The following PDE3A variants were observed in gnomAD, a reference collection of about 807,000 sequenced individuals.
PDE3A encodes the protein phosphodiesterase 3A.
Under a neutral mutation model 98.3 loss-of-function variants are expected in PDE3A, and 43 were observed. The observed-to-expected ratio is 0.44, with a 90% CI of 0.34 to 0.56. PDE3A has a LOEUF of 0.56. Ranked by LOEUF, PDE3A falls within the 20% of genes least tolerant of loss-of-function variation. The pLI is 0.01. For synonymous variants in PDE3A, 663 were observed against 567.9 expected, an observed-to-expected ratio of 1.17 and a Z score of -2.38; for missense variants, 1,427 against 1,440.7, an observed-to-expected ratio of 0.99 and a Z score of 0.15.
intron 7 of PDE3A, among the ~76,000 whole-genome samples, chr12:20,634,694 G>T (rs764876548): frequency 6.6e-6 from 1 of 152,074 alleles, no homozygotes; most frequent in South Asian, 2.1e-4. Context: ...AATGTCATGC[G>T]GATTACAGAT....
chr12:20,464,741 G>A (rs1002943555), intron 1 of PDE3A, among the ~76,000 whole-genome samples: 3 of 152,110 alleles, frequency 2.0e-5, no homozygotes, highest in Non-Finnish European at 4.4e-5. Flanking sequence ...AATTGCTGAC[G>A]TGGGATTGAA....
At chr12:20,537,240 G>T (rs1386753970) in intron 1 of PDE3A, among the ~76,000 whole-genome samples, 3 of 151,890 alleles carry the variant, frequency 2.0e-5, no homozygotes, top group African/African-American at 7.2e-5. Flanking sequence ...CCATTTTTCA[G>T]TTAGATTATT....
At chr12:20,666,203 G>C (rs1400846217) in intron 15 of PDE3A, among the ~76,000 whole-genome samples, 1 of 151,860 alleles carries the variant, frequency 6.6e-6, no homozygotes, top group Admixed American at 6.6e-5. Flanking sequence ...GACCTCAAGT[G>C]GTCCATCCGC....
At chr12:20,386,082 AATATATAAAT>A (rs1189611721) in intron 1 of PDE3A, among the ~76,000 whole-genome samples, 9 of 27,388 alleles carry the variant, frequency 3.3e-4, no homozygotes, top group African/African-American at 9.3e-4. Context: ...AATATATATA[AATATATAAAT>A]ATATATAAAT....
At chr12:20,576,110 C>T (rs1351614709) in intron 2 of PDE3A, among the ~76,000 whole-genome samples, 2 of 151,768 alleles carry the variant, frequency 1.3e-5, no homozygotes, top group Admixed American at 6.6e-5. Context: ...ATGAGGTATC[C>T]ATCCCCTCAA....
intron 1 of PDE3A, among the ~76,000 whole-genome samples, chr12:20,433,634 T>C (rs928799977): frequency 6.6e-6 from 1 of 152,142 alleles, no homozygotes; most frequent in African/African-American, 2.4e-5. Flanking sequence ...ACTGTACATA[T>C]TTTACTATCA....
At chr12:20,512,105 TA>T (rs1946236770) in intron 1 of PDE3A, among the ~76,000 whole-genome samples, 1 of 151,922 alleles carries the variant, frequency 6.6e-6, no homozygotes, top group Non-Finnish European at 1.5e-5. Context: ...ACATCCTAGA[TA>T]GGACCCTGGA....
At position 20,391,132 on chromosome 12, in the gene PDE3A, C is replaced by G. The variant is rs1943906591; in HGVS notation, c.960+20888C>G. 6.6e-5 allele frequency among the ~76,000 whole-genome samples: 10 copies of G among 151,758 alleles called. No individual in the cohort carries two copies. In the South Asian group the frequency reaches 2.1e-3, roughly 31 times the overall value. On this transcript the variant is annotated intron_variant, in intron 1 of 15. Coordinates refer to ENST00000359062, the MANE Select transcript of PDE3A (RefSeq NM_000921.5). ...GAGCAGATGAGTGCTTTTCATATGA[C>G]TAGTTAAAAACTTACTTTATCAGTA... is the stretch of plus-strand genomic sequence containing the variant.
intron 1 of PDE3A, among the ~76,000 whole-genome samples, chr12:20,472,138 A>G (rs1443199911): frequency 1.3e-5 from 2 of 152,180 alleles, no homozygotes; most frequent in African/African-American, 4.8e-5. Context: ...TATCTGATAC[A>G]GTGGATCAGA....
chr12:20,574,627 C>T (rs1267788346), intron 2 of PDE3A, among the ~76,000 whole-genome samples: 2 of 151,638 alleles, frequency 1.3e-5, no homozygotes, highest in Admixed American at 1.3e-4. Flanking sequence ...CATCTTGCTC[C>T]CACCACCACC....
chr12:20,575,398 C>A (rs1942905557), intron 2 of PDE3A, among the ~76,000 whole-genome samples: 1 of 151,752 alleles, frequency 6.6e-6, no homozygotes, highest in East Asian at 1.9e-4. Flanking sequence ...AAAGTTCTGA[C>A]TAAAATTAGG....
At chr12:20,403,169 A>C (rs1434734266) in intron 1 of PDE3A, among the ~76,000 whole-genome samples, 1 of 152,202 alleles carries the variant, frequency 6.6e-6, no homozygotes, top group East Asian at 1.9e-4. Flanking sequence ...ATCTTTATCA[A>C]CTTGAATTAT....
At chr12:20,554,547 A>AT (rs940959164) in intron 1 of PDE3A, among the ~76,000 whole-genome samples, 9 of 150,780 alleles carry the variant, frequency 6.0e-5, no homozygotes, top group African/African-American at 1.7e-4. Flanking sequence ...GGCTTTAATT[A>AT]TTTTTTACCC....
intron 1 of PDE3A, among the ~76,000 whole-genome samples, chr12:20,372,770 C>T (rs533130465): frequency 6.6e-6 from 1 of 152,218 alleles, no homozygotes; most frequent in South Asian, 2.1e-4. Flanking sequence ...CAAGACAATA[C>T]TCATAGGCAA....
chr12:20,380,553 C>T (rs369227586), intron 1 of PDE3A, among the ~76,000 whole-genome samples: 1 of 151,720 alleles, frequency 6.6e-6, no homozygotes, highest in African/African-American at 2.4e-5. Flanking sequence ...TTGTTATATC[C>T]TCTCACTGAA....
intron 1 of PDE3A, among the ~76,000 whole-genome samples, chr12:20,510,206 A>G (rs1232000142): frequency 6.6e-6 from 1 of 152,054 alleles, no homozygotes; most frequent in Non-Finnish European, 1.5e-5. Context: ...TTTGGAATTC[A>G]GTTATACAAA....
intron 2 of PDE3A, among the ~76,000 whole-genome samples, chr12:20,575,651 A>T (rs1355249230): frequency 6.6e-6 from 1 of 152,000 alleles, no homozygotes; most frequent in Non-Finnish European, 1.5e-5. Context: ...TCATCTACAG[A>T]CTTTCATCCA....
At chr12:20,669,136 G>A (rs553740466) in intron 15 of PDE3A, among the ~76,000 whole-genome samples, 1 of 152,036 alleles carries the variant, frequency 6.6e-6, no homozygotes, top group Admixed American at 6.5e-5. Context: ...AAGCGAGAAG[G>A]GAAGTGTAGA....
At chr12:20,525,235 A>G (rs190428074) in intron 1 of PDE3A, among the ~76,000 whole-genome samples, 142 of 152,242 alleles carry the variant, frequency 9.3e-4, no homozygotes, top group African/African-American at 3.2e-3. Flanking sequence ...GAATAGTAAT[A>G]TATGTGTTGT....
Sources: gnomAD v4.1 joint callset for allele counts (sites outside exome capture counted in the v4.1 genomes callset) on GRCh38, gnomAD v4.1.1 for gene constraint, MANE v1.5 for transcripts, NCBI Gene and HGNC (gene_info 2026-07-23, HGNC 2026-07-21) for gene names.